Variants in RXRA observed in about 807,000 individuals in gnomAD.
RXRA encodes retinoid X receptor alpha.
RXRA carries 5 observed loss-of-function variants against 44.5 expected under a neutral mutation model. That is an observed-to-expected ratio of 0.11 (90% CI 0.06 to 0.24). The LOEUF (loss-of-function observed/expected upper bound fraction) is 0.24, where lower values mean the gene tolerates loss of function less well. Among genes scored for constraint, RXRA ranks in the 10% least tolerant of loss-of-function variants. RXRA has a pLI of 1.00. For synonymous variants in RXRA, 291 were observed against 271.4 expected (o/e 1.07, Z -0.71); for missense variants, 412 against 646.5 (o/e 0.64, Z 3.93).
chr9:134,338,155 C>T (rs149898433), intron 1 of RXRA, among the ~76,000 whole-genome samples: 142 of 152,256 alleles, frequency 9.3e-4, no homozygotes, highest in Non-Finnish European at 1.6e-3. Context: ...GTGTCAGGAG[C>T]CCTGACAGAA....
chr9:134,402,191 A>T (rs1830974950), intron 2 of RXRA: 4 of 421,026 alleles, frequency 9.5e-6, no homozygotes, highest in African/African-American at 4.1e-5. Context: ...GGGACTCAGC[A>T]GAGAGAGGCT....
At chr9:134,393,009 T>C (rs1830822773) in intron 1 of RXRA, among the ~76,000 whole-genome samples, 1 of 138,312 alleles carries the variant, frequency 7.2e-6, no homozygotes, top group Non-Finnish European at 1.6e-5. Flanking sequence ...CTGCAGGTGG[T>C]TACTTGGCTT....
intron 1 of RXRA, among the ~76,000 whole-genome samples, chr9:134,376,110 C>G (rs1280602493): frequency 6.6e-6 from 1 of 152,130 alleles, no homozygotes; most frequent in Non-Finnish European, 1.5e-5. Context: ...AAGTTGGGAT[C>G]TTCCTTAGGA....
intron 9 of RXRA, among the ~76,000 whole-genome samples, chr9:134,435,576 G>A (rs1009994631): frequency 2.0e-5 from 3 of 152,204 alleles, no homozygotes; most frequent in East Asian, 1.9e-4. Flanking sequence ...ACAAGGTGCC[G>A]TGGGAGGCAC....
chr9:134,333,019 GC>G (rs1371689682), intron 1 of RXRA, among the ~76,000 whole-genome samples: 2 of 152,202 alleles, frequency 1.3e-5, no homozygotes, highest in African/African-American at 2.4e-5. Context: ...CCTGGCTCCG[GC>G]CCCCCCTGCA....
At chr9:134,346,178 C>T (rs933659907) in intron 1 of RXRA, among the ~76,000 whole-genome samples, 1 of 152,168 alleles carries the variant, frequency 6.6e-6, no homozygotes. Context: ...ATGCCGCCCT[C>T]CTCTTTAGTT....
At chr9:134,377,209 G>A (rs1232058213) in intron 1 of RXRA, among the ~76,000 whole-genome samples, 2 of 152,210 alleles carry the variant, frequency 1.3e-5, no homozygotes, top group African/African-American at 2.4e-5. Flanking sequence ...CATTTCTGGG[G>A]GCCTCTGGCA....
chr9:134,361,526 C>T (rs944865959), intron 1 of RXRA, among the ~76,000 whole-genome samples: 1 of 152,212 alleles, frequency 6.6e-6, no homozygotes, highest in Non-Finnish European at 1.5e-5. Context: ...CAGATGAGGC[C>T]ATGGGCACTG....
intron 6 of RXRA, chr9:134,422,068 A>G (rs1289097366): frequency 3.0e-6 from 4 of 1,340,018 alleles, no homozygotes; most frequent in South Asian, 2.6e-5. Flanking sequence ...CTCTCCCAGG[A>G]CGCTCCCCTC....
intron 1 of RXRA, among the ~76,000 whole-genome samples, chr9:134,360,604 C>T (rs187110882): frequency 1.3e-5 from 2 of 152,366 alleles, no homozygotes; most frequent in African/African-American, 4.8e-5. Flanking sequence ...TGCTGGTCTG[C>T]GGGAGGCTCT....
At chr9:134,415,708 A>G (rs973214391) in intron 4 of RXRA, among the ~76,000 whole-genome samples, 2 of 152,168 alleles carry the variant, frequency 1.3e-5, no homozygotes, top group African/African-American at 4.8e-5. Flanking sequence ...TACCCAGCCC[A>G]GCACACTGGC....
At chr9:134,402,856 TC>T (rs1360938111) in intron 2 of RXRA, 1 of 151,030 alleles carries the variant, frequency 6.6e-6, no homozygotes, top group Non-Finnish European at 1.5e-5. Context: ...CACCCTGTGT[TC>T]CTAGTAGCTG....
chr9:134,368,380 A>T (rs979359055), intron 1 of RXRA, among the ~76,000 whole-genome samples: 1 of 152,226 alleles, frequency 6.6e-6, no homozygotes, highest in African/African-American at 2.4e-5. Context: ...CTGGGGCTGG[A>T]TAGCCCCTGC....
At chr9:134,436,419 A>T in intron 9 of RXRA, 48 bp from the exon 10 acceptor site, 1 of 1,597,354 alleles carries the variant, frequency 6.3e-7, no homozygotes, top group South Asian at 1.1e-5. Context: ...GCCAGGGCAG[A>T]ACTGCCCATG....
intron 1 of RXRA, among the ~76,000 whole-genome samples, chr9:134,356,940 C>T (rs1273221001): frequency 6.6e-6 from 1 of 152,238 alleles, no homozygotes; most frequent in African/African-American, 2.4e-5. Flanking sequence ...CTCAGCAGCC[C>T]TGGAGGTGGC....
chr9:134,392,292 G>T (rs923031234), intron 1 of RXRA, among the ~76,000 whole-genome samples: 4 of 141,512 alleles, frequency 2.8e-5, no homozygotes, highest in Non-Finnish European at 1.6e-5. Flanking sequence ...TCTGCCCCAG[G>T]CAGCAGATGG....
chr9:134,336,030 G>A (rs1301372101), intron 1 of RXRA, among the ~76,000 whole-genome samples: 4 of 152,134 alleles, frequency 2.6e-5, no homozygotes, highest in South Asian at 2.1e-4. Context: ...CACGGGAGGC[G>A]GTGGAGCTGC....
At chr9:134,376,839 A>C (rs968476382) in intron 1 of RXRA, among the ~76,000 whole-genome samples, 3 of 152,178 alleles carry the variant, frequency 2.0e-5, no homozygotes, top group Non-Finnish European at 2.9e-5. Flanking sequence ...GCAGGGTCTC[A>C]GGAGGGAGGG....
intron 1 of RXRA, among the ~76,000 whole-genome samples, chr9:134,361,318 C>T (rs1380612902): frequency 6.6e-6 from 1 of 152,126 alleles, no homozygotes; most frequent in Non-Finnish European, 1.5e-5. Flanking sequence ...CCTGCCATGC[C>T]TCCTCCCAGG....
Sources: gnomAD v4.1 joint callset for allele counts (sites outside exome capture counted in the v4.1 genomes callset) on GRCh38, gnomAD v4.1.1 for gene constraint, MANE v1.5 for transcripts, NCBI Gene and HGNC (gene_info 2026-07-23, HGNC 2026-07-21) for gene names.